RLF: variants seen among roughly 807,000 people sequenced by gnomAD.
RLF encodes zinc finger protein Rlf.
Under a neutral mutation model 162.9 loss-of-function variants are expected in RLF, and 7 were observed. The observed-to-expected ratio is 0.04, with a 90% CI of 0.02 to 0.08. The LOEUF is 0.08. RLF is among the 10% of genes least tolerant of loss of function. The pLI, the probability that RLF is intolerant of heterozygous loss-of-function variation, is 1.00. For missense variants in RLF, 1,664 were observed against 2,244.7 expected (o/e 0.74, Z 5.23); for synonymous variants, 782 against 791.5 (o/e 0.99, Z 0.20).
chr1:40,203,623 G>A (rs1295871804), intron 5 of RLF, among the ~76,000 whole-genome samples: 1 of 150,548 alleles, frequency 6.6e-6, no homozygotes, highest in Non-Finnish European at 1.5e-5. Flanking sequence ...TCTTAAATTT[G>A]GAGTTAGACT....
chr1:40,184,619 A>AAT (rs1642447653), intron 1 of RLF, among the ~76,000 whole-genome samples: 2 of 152,210 alleles, frequency 1.3e-5, no homozygotes, highest in African/African-American at 4.8e-5. Flanking sequence ...GGTATATAGC[A>AAT]AGGACTTGAG....
At position 40,195,910 on chromosome 1, in the gene RLF, A is replaced by G. The variant is rs138200321; in HGVS notation, c.607+146A>G. 5.9e-4 allele frequency: 414 copies of G among 698,202 alleles called. 3 individuals carry two copies. In the African/African-American group the frequency reaches 7.0e-3, roughly 12 times the overall value. 43.3% of individuals were successfully genotyped at this position (698,202 alleles called of 1,614,324 possible). On this transcript the variant is annotated intron_variant, in intron 4 of 7. Coordinates refer to ENST00000372771, the MANE Select transcript of RLF (RefSeq NM_012421.4). ...TAGTAAAAATTAACTATTAGCATTTAATGTTTTGCTTAAGTAAGGATTCTT... is the reference window on the plus strand; with the variant it reads ...TAGTAAAAATTAACTATTAGCATTTGATGTTTTGCTTAAGTAAGGATTCTT...
chr1:40,215,053 A>T (rs1642908790), intron 5 of RLF, among the ~76,000 whole-genome samples: 1 of 152,142 alleles, frequency 6.6e-6, no homozygotes, highest in Admixed American at 6.5e-5. Context: ...AACTCAAGTT[A>T]ATTCACTAGA....
chr1:40,177,234 T>G (rs1642339378), intron 1 of RLF, among the ~76,000 whole-genome samples: 1 of 151,988 alleles, frequency 6.6e-6, no homozygotes, highest in East Asian at 1.9e-4. Context: ...GATCTGCCCG[T>G]GCTGGGATTA....
intron 2 of RLF, among the ~76,000 whole-genome samples, chr1:40,189,536 C>A (rs1642528997): frequency 6.6e-6 from 1 of 152,070 alleles, no homozygotes; most frequent in African/African-American, 2.4e-5. Flanking sequence ...AACATCTTGG[C>A]AAAAACAACA....
chr1:40,240,487 G>T lies in RLF; in HGVS notation c.*40G>T. The T allele has an allele frequency of 7.0e-7, 1 of 1,420,330 alleles. No individual in the cohort carries two copies. The allele number at this position is 1,420,330 out of a possible 1,614,324, so 88.0% of individuals were successfully genotyped here. A position where few individuals can be genotyped will look rare whatever the true frequency, so the allele number is the denominator to read the frequency against. ...TTAGTAACAGACTGGCTCCAACACT[G>T]CAACATGGGGACATTTGCCAACTCG... On this transcript the variant is annotated 3_prime_UTR_variant, in exon 8 of 8. Coordinates refer to ENST00000372771, the MANE Select transcript of RLF (RefSeq NM_012421.4).
chr1:40,196,162 G>A (rs1011672705), intron 4 of RLF, among the ~76,000 whole-genome samples: 1 of 150,502 alleles, frequency 6.6e-6, no homozygotes, highest in Non-Finnish European at 1.5e-5. Context: ...TGCAACCTCT[G>A]CCTCCAGTGT....
At chr1:40,216,220 C>T (rs1333661572) in intron 5 of RLF, among the ~76,000 whole-genome samples, 6 of 152,130 alleles carry the variant, frequency 3.9e-5, no homozygotes, top group East Asian at 3.9e-4. Context: ...GGAGGCTCAA[C>T]GCCTGTAATC....
chr1:40,228,719 T>C (rs1472540047), intron 6 of RLF, among the ~76,000 whole-genome samples: 2 of 132,546 alleles, frequency 1.5e-5, no homozygotes, highest in Non-Finnish European at 3.2e-5. Context: ...ACTCCTGGGC[T>C]CAAGTGATCT....
chr1:40,228,359 G>A (rs111560511), intron 6 of RLF, among the ~76,000 whole-genome samples: 7 of 151,250 alleles, frequency 4.6e-5, no homozygotes, highest in African/African-American at 1.7e-4. Flanking sequence ...CAAGGTGGGC[G>A]GATCACCTAA....
At chr1:40,227,905 A>C (rs1643098776) in intron 6 of RLF, among the ~76,000 whole-genome samples, 1 of 152,142 alleles carries the variant, frequency 6.6e-6, no homozygotes, top group African/African-American at 2.4e-5. Flanking sequence ...AGGGAGGCTG[A>C]GGCAGGAGAA....
chr1:40,170,554 C>G (rs1347871041), intron 1 of RLF, among the ~76,000 whole-genome samples: 1 of 152,154 alleles, frequency 6.6e-6, no homozygotes, highest in Non-Finnish European at 1.5e-5. Context: ...GGCCTCCTTT[C>G]ATTCTTTAGG....
In RLF at chr1:40,239,741, C is replaced by T; in HGVS notation, c.5039C>T (p.Thr1680Ile). ...GTLKCNHSSK[T>I]TSLEQCNIVQ... is the part of the protein sequence containing the mutation. ...TTGAAATGTAATCATAGTTCCAAAA[C>T]CACTTCCCTAGAACAGTGTAATATA... Residue 1680 changes from threonine (T) to isoleucine (I), a missense_variant, in exon 8 of 8, where the codon ACC (threonine) becomes ATC (isoleucine). By Grantham distance (89) the Thr-to-Ile change is moderately conservative. Transcript: ENST00000372771. 6.2e-7 allele frequency: 1 copy of T among 1,614,130 alleles called. No homozygotes were observed. The highest frequency in any genetic ancestry group is 8.5e-7 in the Non-Finnish European group (1 of 1,180,004).
chr1:40,197,722 C>G (rs1642656364), intron 4 of RLF, among the ~76,000 whole-genome samples: 1 of 152,210 alleles, frequency 6.6e-6, no homozygotes, highest in Non-Finnish European at 1.5e-5. Context: ...ATGATACCTA[C>G]ATATCCAAGG....
chr1:40,161,979 G>A lies in RLF; in HGVS notation c.237+343G>A, dbSNP rs1026098766. Among the ~76,000 whole-genome samples, 8 of 152,218 alleles carry A rather than the reference G, an allele frequency of 5.3e-5. No homozygotes were observed. Among genetic ancestry groups the A allele is most frequent in the African/African-American group, 1.9e-4 (8 of 41,454 alleles). ...AGGGATTGATTGCTTGTCCCTGCCG[G>A]GAGATCCTTTTTTGAGTGGAGTGCA... is the stretch of plus-strand genomic sequence containing the variant. On this transcript the variant is annotated intron_variant, in intron 1 of 7. Transcript: ENST00000372771. This position sits in a 1 kb window ranked among gnomAD's most constrained non-coding sequence, Gnocchi z 4.4.
rs372609997 is a variant in RLF, at chr1:40,211,205, C to T, written c.810+8591C>T. Among the ~76,000 whole-genome samples, 13 of 152,314 alleles carry T rather than the reference C, an allele frequency of 8.5e-5. 1 individual carries two copies. Among genetic ancestry groups the T allele is most frequent in the East Asian group, 3.9e-4 (2 of 5,190 alleles). On this transcript the variant is annotated intron_variant, in intron 5 of 7. Coordinates refer to ENST00000372771, the MANE Select transcript of RLF (RefSeq NM_012421.4). ...CTCTGCTCTACAAGAATTAAATTTT[C>T]CAGTCTATTTCAGTGGTTTAATATC... is the stretch of plus-strand genomic sequence containing the variant.
At chr1:40,194,223 C>G (rs188368525) in intron 3 of RLF, among the ~76,000 whole-genome samples, 29 of 152,158 alleles carry the variant, frequency 1.9e-4, no homozygotes, top group African/African-American at 6.7e-4. Context: ...ATTTTTTAGA[C>G]GAATTTAAAC....
rs1168908018 is a variant in RLF, at chr1:40,224,623, C to CTT, written c.947+1943_947+1944dup. Among the ~76,000 whole-genome samples the CTT allele has an allele frequency of 8.5e-3, 284 of 33,260 alleles. 27 individuals carry two copies. Among genetic ancestry groups the CTT allele is most frequent in the East Asian group, 0.027 (20 of 730 alleles). The allele number at this position is 33,260 out of a possible 152,430, so 21.8% of individuals were successfully genotyped here. A position where few individuals can be genotyped will look rare whatever the true frequency, so the allele number is the denominator to read the frequency against. ...TTTCCCCTTCCATTGTTTTTGAAAGCTTTTTTTTTTTTTTTTTTTTTTTTT... is the reference window on the plus strand; with the variant it reads ...TTTCCCCTTCCATTGTTTTTGAAAGCTTTTTTTTTTTTTTTTTTTTTTTTTTT... On this transcript the variant is annotated intron_variant, in intron 6 of 7. Transcript: ENST00000372771.
intron 3 of RLF, among the ~76,000 whole-genome samples, chr1:40,193,859 T>C (rs994078950): frequency 6.6e-6 from 1 of 152,162 alleles, no homozygotes; most frequent in African/African-American, 2.4e-5. Context: ...CTTGAGTGAA[T>C]ACTAAACTAT....
Sources: allele counts gnomAD v4.1 joint callset (sites outside exome capture counted in the v4.1 genomes callset), GRCh38; gene constraint gnomAD v4.1.1; non-coding constraint Gnocchi (gnomAD v3.1); transcripts MANE v1.5; gene names NCBI Gene and HGNC (gene_info 2026-07-23, HGNC 2026-07-21).